LINGO2: variants seen among roughly 807,000 people sequenced by gnomAD.
The protein encoded by LINGO2 is leucine rich repeat and Ig domain containing 2.
Under a neutral mutation model 30.6 loss-of-function variants are expected in LINGO2, and 14 were observed. That is an observed-to-expected ratio of 0.46 (90% CI 0.30 to 0.72). The LOEUF is 0.72. Among genes scored for constraint, LINGO2 ranks in the 30% least tolerant of loss-of-function variants. The pLI, the probability that LINGO2 is intolerant of heterozygous loss-of-function variation, is 0.07. For missense variants in LINGO2, 729 were observed against 751.7 expected (o/e 0.97, Z 0.35); for synonymous variants, 317 against 288.5 (o/e 1.10, Z -1.00).
the LINGO2 span, among the ~76,000 whole-genome samples, chr9:28,913,559 T>C: frequency 6.6e-6 from 1 of 152,126 alleles, no homozygotes; most frequent in Non-Finnish European, 1.5e-5. Flanking sequence ...ATCTCCAATG[T>C]ATAGATAGTA....
the LINGO2 span, among the ~76,000 whole-genome samples, chr9:29,057,019 T>C: frequency 6.6e-6 from 1 of 152,194 alleles, no homozygotes; most frequent in Admixed American, 6.6e-5. Flanking sequence ...GGTAATGTGA[T>C]GCCTCCAGAT....
At chr9:28,440,184 A>G (rs994243113) in intron 2 of LINGO2, among the ~76,000 whole-genome samples, 2 of 152,228 alleles carry the variant, frequency 1.3e-5, no homozygotes, top group Non-Finnish European at 2.9e-5. Context: ...GAGTAAAATT[A>G]TACTCAGGAG....
intron 4 of LINGO2, among the ~76,000 whole-genome samples, chr9:28,145,678 C>G (rs1827793437): frequency 6.6e-6 from 1 of 152,106 alleles, no homozygotes; most frequent in Non-Finnish European, 1.5e-5. Context: ...CCCTCCTTCT[C>G]CCTCTCTCTC....
chr9:29,045,351 A>G, the LINGO2 span, among the ~76,000 whole-genome samples: 5 of 152,168 alleles, frequency 3.3e-5, no homozygotes, highest in Non-Finnish European at 7.3e-5. Context: ...ACTTTCATAC[A>G]ATGAAGTACT....
chr9:29,101,682 T>A, the LINGO2 span, among the ~76,000 whole-genome samples: 1 of 152,234 alleles, frequency 6.6e-6, no homozygotes, highest in South Asian at 2.1e-4. Flanking sequence ...TTTATGTGCC[T>A]GACTTATTTT....
chr9:28,894,609 A>G, the LINGO2 span, among the ~76,000 whole-genome samples: 1 of 151,754 alleles, frequency 6.6e-6, no homozygotes, highest in Non-Finnish European at 1.5e-5. Flanking sequence ...TTATATTGTG[A>G]GAAGCAATAG....
chr9:28,641,613 G>C (rs541731068), intron 1 of LINGO2, among the ~76,000 whole-genome samples: 1 of 152,278 alleles, frequency 6.6e-6, no homozygotes, highest in South Asian at 2.1e-4. Context: ...AATCTAATCT[G>C]ACCTGATTTC....
chr9:28,044,747 T>G lies in LINGO2; in HGVS notation c.-86-32342A>C, dbSNP rs145056505. On this transcript the variant is annotated intron_variant, in intron 4 of 5. Coordinates refer to ENST00000379992, the Ensembl canonical transcript of LINGO2. ...AGTCCAAACTGGAAGGGAAGAGAGT[T>G]AGGGCAAGCAGGTGGGAAGCATGTG... 1.9e-3 allele frequency among the ~76,000 whole-genome samples: 284 copies of G among 148,580 alleles called. 4 individuals carry two copies. Among genetic ancestry groups the G allele is most frequent in the Non-Finnish European group, 2.1e-3 (139 of 67,224 alleles).
At chr9:27,989,008 C>G (rs1821260474) in intron 5 of LINGO2, among the ~76,000 whole-genome samples, 1 of 151,930 alleles carries the variant, frequency 6.6e-6, no homozygotes, top group Non-Finnish European at 1.5e-5. Flanking sequence ...TCTCAGTCTT[C>G]TTCCTCTACC....
intron 5 of LINGO2, among the ~76,000 whole-genome samples, chr9:27,969,535 C>CA (rs1820256548): frequency 2.0e-5 from 3 of 152,044 alleles, no homozygotes; most frequent in Admixed American, 6.6e-5. Context: ...ATTCAGTCCT[C>CA]AAAACAATCT....
the LINGO2 span, among the ~76,000 whole-genome samples, chr9:28,898,655 T>G: frequency 1.3e-5 from 2 of 151,884 alleles, no homozygotes; most frequent in African/African-American, 4.8e-5. Flanking sequence ...GGAATGGGAG[T>G]TGCTTTCTCT....
the LINGO2 span, among the ~76,000 whole-genome samples, chr9:28,731,317 G>C: frequency 6.6e-6 from 1 of 151,958 alleles, no homozygotes; most frequent in African/African-American, 2.4e-5. Flanking sequence ...GTGGGTTAAT[G>C]GTTAAACAAT....
the LINGO2 span, among the ~76,000 whole-genome samples, chr9:29,120,109 T>G: frequency 6.6e-6 from 1 of 152,190 alleles, no homozygotes; most frequent in Admixed American, 6.5e-5. Context: ...GTTATACTCA[T>G]GTATTTTGAA....
At chr9:28,421,094 CAGT>C in intron 2 of LINGO2, among the ~76,000 whole-genome samples, 1 of 151,854 alleles carries the variant, frequency 6.6e-6, no homozygotes, top group South Asian at 2.1e-4. Context: ...GATCATTATA[CAGT>C]AGAACAAAGA....
chr9:28,590,853 G>T (rs903740873), intron 1 of LINGO2, among the ~76,000 whole-genome samples: 2 of 152,060 alleles, frequency 1.3e-5, no homozygotes. Flanking sequence ...AAAGATACAT[G>T]CACATGTATG....
At chr9:28,747,626 C>T in the LINGO2 span, among the ~76,000 whole-genome samples, 1 of 152,090 alleles carries the variant, frequency 6.6e-6, no homozygotes, top group Non-Finnish European at 1.5e-5. Flanking sequence ...CGTCTGCATG[C>T]TCCCTCTCCC....
At chr9:28,602,462 GT>G (rs1289540308) in intron 1 of LINGO2, among the ~76,000 whole-genome samples, 2 of 152,056 alleles carry the variant, frequency 1.3e-5, no homozygotes, top group Admixed American at 1.3e-4. Context: ...TAAATGATAT[GT>G]TTTACTTAAA....
chr9:28,805,196 A>AT, the LINGO2 span, among the ~76,000 whole-genome samples: 1 of 152,198 alleles, frequency 6.6e-6, no homozygotes, highest in Non-Finnish European at 1.5e-5. Flanking sequence ...TCCTTGACAC[A>AT]TTAGAAACAT....
At chr9:28,220,610 C>G (rs1336781490) in intron 4 of LINGO2, among the ~76,000 whole-genome samples, 2 of 152,104 alleles carry the variant, frequency 1.3e-5, no homozygotes, top group African/African-American at 4.8e-5. Context: ...AAAAGGATGC[C>G]TTTATTGCTA....
Sources: gnomAD v4.1 joint callset for allele counts (sites outside exome capture counted in the v4.1 genomes callset) on GRCh38, gnomAD v4.1.1 for gene constraint, MANE v1.5 for transcripts, NCBI Gene and HGNC (gene_info 2026-07-23, HGNC 2026-07-21) for gene names.